SPTLC3: variants seen among roughly 807,000 people sequenced by gnomAD.
SPTLC3 encodes the protein serine palmitoyltransferase long chain base subunit 3.
Under a neutral mutation model 59.3 loss-of-function variants are expected in SPTLC3, and 36 were observed. That is an observed-to-expected ratio of 0.61 (90% CI 0.47 to 0.80). The LOEUF (loss-of-function observed/expected upper bound fraction) is 0.80. Among genes scored for constraint, SPTLC3 ranks in the 30% least tolerant of loss-of-function variants. The pLI, the probability that SPTLC3 is intolerant of heterozygous loss-of-function variation, is 0.00. For missense variants in SPTLC3, 625 were observed against 685.1 expected (o/e 0.91, Z 0.98); for synonymous variants, 257 against 240.8 (o/e 1.07, Z -0.62).
chr20:13,052,800 C>A (rs546810761), intron 2 of SPTLC3, among the ~76,000 whole-genome samples: 18 of 152,110 alleles, frequency 1.2e-4, no homozygotes, highest in Non-Finnish European at 1.8e-4. Flanking sequence ...GTGGAGTACA[C>A]CACAGCTCCT....
At chr20:13,040,374 T>A (rs909002374) in intron 1 of SPTLC3, among the ~76,000 whole-genome samples, 19 of 152,126 alleles carry the variant, frequency 1.2e-4, no homozygotes, top group Non-Finnish European at 7.4e-5. Flanking sequence ...ATACTTTTTT[T>A]TTTTTGACGG....
chr20:13,087,813 A>C (rs1452425203), intron 4 of SPTLC3, among the ~76,000 whole-genome samples: 1 of 152,220 alleles, frequency 6.6e-6, no homozygotes, highest in African/African-American at 2.4e-5. Context: ...TCAACTTAAT[A>C]AGTGCTATAA....
At chr20:13,016,881 C>A (rs1204378970) in intron 1 of SPTLC3, among the ~76,000 whole-genome samples, 1 of 152,158 alleles carries the variant, frequency 6.6e-6, no homozygotes, top group East Asian at 1.9e-4. Flanking sequence ...TTATGTTCAT[C>A]ATCTCACAGC....
chr20:13,036,872 T>C (rs1986758444), intron 1 of SPTLC3, among the ~76,000 whole-genome samples: 1 of 152,154 alleles, frequency 6.6e-6, no homozygotes, highest in South Asian at 2.1e-4. Context: ...GACTGATGGA[T>C]CCTTTCCACT....
Position 13,059,980 on chromosome 20 carries a change from G to A in SPTLC3, c.303+10850G>A, listed in dbSNP as rs554847021. Reference sequence around the variant, plus strand: ...ATCACTCTGTTACTTAGGGCCTCTAGTCACTGACTGTTCTAAGTGGCAACT... The same window carrying A: ...ATCACTCTGTTACTTAGGGCCTCTAATCACTGACTGTTCTAAGTGGCAACT... On this transcript the variant is annotated intron_variant, in intron 2 of 11. Coordinates refer to ENST00000399002, the MANE Select transcript of SPTLC3 (RefSeq NM_018327.4). 7.2e-5 allele frequency among the ~76,000 whole-genome samples: 11 copies of A among 152,194 alleles called. No individual in the cohort carries two copies. The South Asian group carries it at 2.3e-3, about 32-fold the overall frequency.
At position 13,009,226 on chromosome 20, in the gene SPTLC3, C is replaced by T; in HGVS notation, c.-42C>T. 2 of 1,560,702 alleles carry T rather than the reference C, an allele frequency of 1.3e-6. No individual in the cohort carries two copies. Among genetic ancestry groups the T allele is most frequent in the Non-Finnish European group, 8.8e-7 (1 of 1,132,062 alleles). ...ACTGAAAACTAAAGCCTGCAGAGAC[C>T]TCTGAAGGAAAACCTGTCCCGGGCT... On this transcript the variant is annotated 5_prime_UTR_variant, in exon 1 of 12. Coordinates refer to ENST00000399002, the MANE Select transcript of SPTLC3 (RefSeq NM_018327.4).
At position 13,108,698 on chromosome 20, in the gene SPTLC3, C is replaced by T. The variant is rs753985372; in HGVS notation, c.827-1414C>T. Among the ~76,000 whole-genome samples the T allele has an allele frequency of 1.2e-4, 18 of 152,138 alleles. 1 individual carries two copies. The highest frequency in any genetic ancestry group is 2.5e-4 in the Non-Finnish European group (17 of 68,028). On this transcript the variant is annotated intron_variant, in intron 6 of 11. Coordinates refer to ENST00000399002, the MANE Select transcript of SPTLC3 (RefSeq NM_018327.4). Reference sequence around the variant, plus strand: ...CAAGCAATTCTCCTGTCTCAGCCTCCCAAGTAGCTGGGATTAGAGGTGCCT... The same window carrying T: ...CAAGCAATTCTCCTGTCTCAGCCTCTCAAGTAGCTGGGATTAGAGGTGCCT...
At chr20:13,081,707 A>G (rs544117443) in intron 4 of SPTLC3, among the ~76,000 whole-genome samples, 2 of 152,322 alleles carry the variant, frequency 1.3e-5, no homozygotes, top group East Asian at 1.9e-4. Context: ...TTAAATTAGC[A>G]ATGAACGTCC....
intron 1 of SPTLC3, among the ~76,000 whole-genome samples, chr20:13,040,152 T>C (rs1986915318): frequency 6.6e-6 from 1 of 152,006 alleles, no homozygotes; most frequent in Non-Finnish European, 1.5e-5. Flanking sequence ...ACATTTCTGG[T>C]TTTATTCATT....
At chr20:13,021,841 G>A (rs569507037) in intron 1 of SPTLC3, among the ~76,000 whole-genome samples, 2 of 152,200 alleles carry the variant, frequency 1.3e-5, no homozygotes, top group South Asian at 2.1e-4. Flanking sequence ...TTTCCTTTGC[G>A]ACTTCAAGCT....
intron 1 of SPTLC3, among the ~76,000 whole-genome samples, chr20:13,010,657 A>G (rs761506876): frequency 2.0e-5 from 3 of 152,150 alleles, no homozygotes; most frequent in Non-Finnish European, 4.4e-5. Flanking sequence ...TTGCAGTAAT[A>G]TCCACCACTT....
intron 2 of SPTLC3, among the ~76,000 whole-genome samples, chr20:13,057,323 T>A (rs1031902861): frequency 1.1e-5 from 1 of 94,952 alleles, no homozygotes; most frequent in Non-Finnish European, 2.1e-5. Flanking sequence ...AAATAAAAAT[T>A]ATGATTTTTT....
At chr20:13,153,201 G>A (rs776468811) in intron 9 of SPTLC3, among the ~76,000 whole-genome samples, 2 of 152,162 alleles carry the variant, frequency 1.3e-5, no homozygotes, top group East Asian at 3.9e-4. Flanking sequence ...AGCAGGACCC[G>A]AGTAGACAGG....
At chr20:13,016,874 T>G (rs536682091) in intron 1 of SPTLC3, among the ~76,000 whole-genome samples, 5 of 152,192 alleles carry the variant, frequency 3.3e-5, no homozygotes, top group African/African-American at 9.6e-5. Context: ...CAGTGCTTTA[T>G]GTTCATCATC....
intron 1 of SPTLC3, among the ~76,000 whole-genome samples, chr20:13,047,567 A>G (rs552235893): frequency 3.7e-4 from 56 of 152,242 alleles, no homozygotes; most frequent in Admixed American, 3.3e-3. Context: ...GAAATAATAA[A>G]TGAATGTATA....
chr20:13,159,939 C>A (rs929717625), intron 10 of SPTLC3, 64 bp from the exon 11 acceptor site: 11 of 1,432,764 alleles, frequency 7.7e-6, no homozygotes, highest in South Asian at 1.7e-5. Context: ...CCTTTTTTGT[C>A]AGGATAATTT....
chr20:13,034,960 T>C (rs953282768), intron 1 of SPTLC3, among the ~76,000 whole-genome samples: 1 of 152,078 alleles, frequency 6.6e-6, no homozygotes, highest in Non-Finnish European at 1.5e-5. Context: ...CTCAATTCTA[T>C]CTTGGGGATC....
intron 10 of SPTLC3, among the ~76,000 whole-genome samples, chr20:13,157,003 G>A (rs959047567): frequency 6.6e-6 from 1 of 152,156 alleles, no homozygotes; most frequent in Non-Finnish European, 1.5e-5. Context: ...TTCAACTTAA[G>A]ATTGTTTTTT....
intron 1 of SPTLC3, among the ~76,000 whole-genome samples, chr20:13,018,545 G>T (rs1479509692): frequency 6.6e-6 from 1 of 152,134 alleles, no homozygotes; most frequent in Non-Finnish European, 1.5e-5. Flanking sequence ...ACCCTTAGGA[G>T]GTCTGTAATT....
Sources: gnomAD v4.1 joint callset for allele counts (sites outside exome capture counted in the v4.1 genomes callset) on GRCh38, gnomAD v4.1.1 for gene constraint, MANE v1.5 for transcripts, NCBI Gene and HGNC (gene_info 2026-07-23, HGNC 2026-07-21) for gene names.